Variants in RERE observed in about 807,000 individuals in gnomAD.
The protein encoded by RERE is arginine-glutamic acid dipeptide repeats, also known as arginine-glutamic acid dipeptide repeats protein.
In RERE, 40 loss-of-function variants were observed where a neutral mutation model predicts 146.1. The observed-to-expected ratio is 0.27, with a 90% CI of 0.21 to 0.36. The LOEUF is 0.36. RERE is among the 10% of genes least tolerant of loss of function. The pLI is 1.00. For synonymous variants in RERE, 1,003 were observed against 866.0 expected, an observed-to-expected ratio of 1.16 and a Z score of -2.78; for missense variants, 1,933 against 2,138.7, an observed-to-expected ratio of 0.90 and a Z score of 1.90.
chr1:8,537,149 A>C (rs1645736706), intron 7 of RERE, among the ~76,000 whole-genome samples: 1 of 152,182 alleles, frequency 6.6e-6, no homozygotes, highest in Non-Finnish European at 1.5e-5. Context: ...GGCTGTGGTG[A>C]GCCCTGATCA....
chr1:8,790,844 C>A (rs972359548), intron 1 of RERE, among the ~76,000 whole-genome samples: 2 of 152,192 alleles, frequency 1.3e-5, no homozygotes, highest in Non-Finnish European at 2.9e-5. Context: ...CCTCAGCCTC[C>A]CAAAATGCTG....
intron 10 of RERE, among the ~76,000 whole-genome samples, chr1:8,484,189 GTAA>G: frequency 6.6e-6 from 1 of 152,114 alleles, no homozygotes; most frequent in Non-Finnish European, 1.5e-5. Flanking sequence ...CCAAATAAAT[GTAA>G]GCACTCAAAG....
intron 7 of RERE, among the ~76,000 whole-genome samples, chr1:8,539,842 G>C (rs1367930226): frequency 1.3e-5 from 2 of 152,026 alleles, no homozygotes; most frequent in African/African-American, 4.8e-5. Flanking sequence ...AAGAGAGGGA[G>C]ACAGACAGAC....
In RERE at chr1:8,358,169, T is replaced by TC. The variant is rs746944892; in HGVS notation, c.4339+26dup. On this transcript the variant is annotated intron_variant, in intron 20 of 22. Coordinates refer to ENST00000400908, the MANE Select transcript of RERE (RefSeq NM_001042681.2). The stretch of plus-strand genomic sequence containing the variant: ...CTCTGCACCCCTCCCCGTGCCTCTG[T>TC]CCCACCTGCCACGCTGGGGCACGCA... 5.1e-6 allele frequency: 8 copies of TC among 1,566,106 alleles called. No individual in the cohort carries two copies. The South Asian group carries it at 9.5e-5, about 19-fold the overall frequency.
intron 9 of RERE, among the ~76,000 whole-genome samples, chr1:8,495,675 C>G (rs1645035814): frequency 6.6e-6 from 1 of 152,162 alleles, no homozygotes; most frequent in Non-Finnish European, 1.5e-5. Flanking sequence ...TAGTCAGATC[C>G]ATTTGTATTG....
intron 4 of RERE, among the ~76,000 whole-genome samples, chr1:8,610,280 G>T (rs530079878): frequency 1.3e-5 from 2 of 151,974 alleles, no homozygotes; most frequent in African/African-American, 4.8e-5. Context: ...AGACTTTATG[G>T]ATTTCAGATT....
At chr1:8,750,845 A>G (rs1001199018) in intron 1 of RERE, 3 of 825,218 alleles carry the variant, frequency 3.6e-6, no homozygotes, top group Non-Finnish European at 6.3e-6. Context: ...AGAGCCATAT[A>G]TTACATGGGG....
chr1:8,760,684 A>G (rs372506382), intron 1 of RERE, among the ~76,000 whole-genome samples: 3 of 152,342 alleles, frequency 2.0e-5, no homozygotes, highest in African/African-American at 7.2e-5. Context: ...TATATTTACT[A>G]TAATTATTCC....
intron 1 of RERE, among the ~76,000 whole-genome samples, chr1:8,801,474 G>T (rs908459443): frequency 1.3e-5 from 2 of 152,002 alleles, no homozygotes; most frequent in African/African-American, 4.8e-5. Flanking sequence ...TCTCCATGTT[G>T]GTCAGGCTGG....
At chr1:8,397,022 G>C (rs1643078767) in intron 12 of RERE, among the ~76,000 whole-genome samples, 1 of 152,216 alleles carries the variant, frequency 6.6e-6, no homozygotes, top group Non-Finnish European at 1.5e-5. Context: ...CAGGCAAAAT[G>C]TACTGTGTGT....
intron 1 of RERE, among the ~76,000 whole-genome samples, chr1:8,797,466 C>T (rs766325746): frequency 1.2e-4 from 18 of 151,732 alleles, no homozygotes; most frequent in Non-Finnish European, 1.8e-4. Flanking sequence ...GTCATCTTAG[C>T]GTAAACACAC....
chr1:8,362,220 C>T (rs980547527), intron 16 of RERE, among the ~76,000 whole-genome samples: 8 of 152,232 alleles, frequency 5.3e-5, no homozygotes, highest in African/African-American at 1.7e-4. Context: ...GTTTAAACTG[C>T]ATTTACATTG....
chr1:8,510,106 A>G (rs1645314294), intron 7 of RERE, among the ~76,000 whole-genome samples: 1 of 152,146 alleles, frequency 6.6e-6, no homozygotes. Context: ...AAGACGAAGA[A>G]GAGGAAGAAG....
intron 1 of RERE, among the ~76,000 whole-genome samples, chr1:8,724,697 C>T (rs552677589): frequency 6.0e-5 from 9 of 151,192 alleles, no homozygotes; most frequent in African/African-American, 1.9e-4. Context: ...GGTGTGGTGG[C>T]GAGCACCTGT....
intron 11 of RERE, among the ~76,000 whole-genome samples, chr1:8,444,790 G>A (rs893248933): frequency 6.6e-6 from 1 of 151,576 alleles, no homozygotes; most frequent in Non-Finnish European, 1.5e-5. Flanking sequence ...ACCATGTGAT[G>A]TGGTGTTCCC....
intron 1 of RERE, among the ~76,000 whole-genome samples, chr1:8,784,463 G>GT (rs148912848): frequency 1.3e-5 from 2 of 151,762 alleles, no homozygotes; most frequent in South Asian, 2.1e-4. Flanking sequence ...TTTGCTTGGG[G>GT]TTTTTTTTCT....
chr1:8,393,095 G>T (rs1206824245), intron 12 of RERE, among the ~76,000 whole-genome samples: 3 of 152,296 alleles, frequency 2.0e-5, no homozygotes, highest in Middle Eastern at 3.4e-3. Flanking sequence ...GCTCAGATTG[G>T]ACTTCTGCAG....
intron 1 of RERE, among the ~76,000 whole-genome samples, chr1:8,791,133 CTAA>C (rs1641356076): frequency 6.6e-6 from 1 of 152,230 alleles, no homozygotes; most frequent in African/African-American, 2.4e-5. Flanking sequence ...CTAGGAACTA[CTAA>C]TGACATGGAA....
At chr1:8,802,242 A>G (rs2124592269) in intron 1 of RERE, among the ~76,000 whole-genome samples, 1 of 152,304 alleles carries the variant, frequency 6.6e-6, no homozygotes, top group African/African-American at 2.4e-5. Flanking sequence ...TTGAGAAACC[A>G]GTCCCAAGGA....
Sources: gnomAD v4.1 joint callset for allele counts (sites outside exome capture counted in the v4.1 genomes callset) on GRCh38, gnomAD v4.1.1 for gene constraint, MANE v1.5 for transcripts, NCBI Gene and HGNC (gene_info 2026-07-23, HGNC 2026-07-21) for gene names.